The following GUCY2C variants were observed in gnomAD, a reference collection of about 807,000 sequenced individuals.
The protein encoded by GUCY2C is guanylyl cyclase C.
Under a neutral mutation model 131.1 loss-of-function variants are expected in GUCY2C, and 118 were observed. The observed-to-expected ratio is 0.90, with a 90% confidence interval of 0.78 to 1.05. The LOEUF is 1.05. GUCY2C is among the 50% of genes least tolerant of loss of function. GUCY2C has a pLI of 0.00. For synonymous variants in GUCY2C, 452 were observed against 457.8 expected, an observed-to-expected ratio of 0.99 and a Z score of 0.16; for missense variants, 1,161 against 1,304.4, an observed-to-expected ratio of 0.89 and a Z score of 1.69.
chr12:14,631,525 C>A (rs897143920), intron 19 of GUCY2C, among the ~76,000 whole-genome samples: 29 of 151,992 alleles, frequency 1.9e-4, no homozygotes, highest in African/African-American at 7.0e-4. Context: ...ATGATGATTT[C>A]CAATTTCATC....
chr12:14,626,308 G>A (rs550086022), intron 20 of GUCY2C, among the ~76,000 whole-genome samples: 1 of 152,172 alleles, frequency 6.6e-6, no homozygotes, highest in East Asian at 1.9e-4. Context: ...GTGACAGAGT[G>A]AGACTCTGTC....
chr12:14,625,903 G>A lies in GUCY2C; in HGVS notation c.2262C>T (p.Asp754=), dbSNP rs776680214. 4.3e-6 allele frequency: 7 copies of A among 1,610,770 alleles called. No individual in the cohort carries two copies. The highest frequency in any genetic ancestry group is 5.9e-6 in the Non-Finnish European group (7 of 1,177,566). ...TLAKIFGLFH[D]QKNESYMDTL... ...TATCCATATAGCTTTCATTTTTTTG[G>A]TCATGAAAAAGTCTGTAGGTAGTAA... is the stretch of plus-strand genomic sequence containing the variant. The change falls in exon 21 of 27, where the codon GAC becomes GAT. Residue 754 remains aspartate (D), a synonymous_variant. Coordinates refer to ENST00000261170, the MANE Select transcript of GUCY2C (RefSeq NM_004963.4).
chr12:14,674,582 C>G (rs1299543687), intron 8 of GUCY2C, 43 bp downstream of exon 8: 2 of 1,596,808 alleles, frequency 1.3e-6, no homozygotes, highest in Admixed American at 3.3e-5. Flanking sequence ...AGAAAGCCTA[C>G]ATTTCTTCAC....
At chr12:14,639,717 G>T (rs4764106) in intron 19 of GUCY2C, 145 bp downstream of exon 19, 1 of 611,524 alleles carries the variant, frequency 1.6e-6, no homozygotes, top group African/African-American at 1.9e-5. Context: ...AGCTCTTCTG[G>T]AGGAAGTGTG....
intron 5 of GUCY2C, 36 bp downstream of exon 5, chr12:14,681,320 A>T: frequency 6.3e-7 from 1 of 1,598,332 alleles, no homozygotes; most frequent in East Asian, 2.2e-5. Flanking sequence ...ATAAAGAAGA[A>T]GTTAGCAAAA....
At chr12:14,670,739 G>T (rs1948088949) in intron 9 of GUCY2C, among the ~76,000 whole-genome samples, 1 of 151,790 alleles carries the variant, frequency 6.6e-6, no homozygotes, top group African/African-American at 2.4e-5. Flanking sequence ...TACCATGTAA[G>T]ATGTGCCTTT....
chr12:14,692,410 A>G lies in GUCY2C; in HGVS notation c.217+3822T>C, dbSNP rs59856517. On this transcript the variant is annotated intron_variant, in intron 1 of 26. Coordinates refer to ENST00000261170, the MANE Select transcript of GUCY2C (RefSeq NM_004963.4). ...GTTTTCTTTAATAAAAATATTATTT[A>G]TGCTAACAGATATTTATTTTTTTTG... is the stretch of plus-strand genomic sequence containing the variant. Among the ~76,000 whole-genome samples, 6 of 152,052 alleles carry G rather than the reference A, an allele frequency of 3.9e-5. No individual in the cohort carries two copies. In the East Asian group the frequency reaches 9.6e-4, roughly 24 times the overall value.
chr12:14,679,628 A>G (rs750515813), intron 6 of GUCY2C, 29 bp downstream of exon 6: 2 of 1,041,214 alleles, frequency 1.9e-6, no homozygotes, highest in Admixed American at 3.4e-5. Context: ...TTTTGAAAGG[A>G]GGAGGGTTTT....
intron 13 of GUCY2C, 147 bp from the exon 14 acceptor site, chr12:14,652,177 A>ATTTATTTG (rs1325437424): frequency 4.3e-6 from 1 of 233,226 alleles, no homozygotes; most frequent in Non-Finnish European, 8.0e-6. Flanking sequence ...TTATTTATTT[A>ATTTATTTG]TTTATTTATT....
intron 1 of GUCY2C, among the ~76,000 whole-genome samples, chr12:14,691,155 C>T (rs1948567971): frequency 6.6e-6 from 1 of 152,174 alleles, no homozygotes; most frequent in Non-Finnish European, 1.5e-5. Context: ...TGAGAGATGT[C>T]TACCAACTTT....
chr12:14,685,761 TA>T (rs1278077998), intron 3 of GUCY2C, among the ~76,000 whole-genome samples: 1 of 152,196 alleles, frequency 6.6e-6, no homozygotes, highest in Admixed American at 6.5e-5. Flanking sequence ...TTACCAGACC[TA>T]CAGGATAGAA....
intron 19 of GUCY2C, among the ~76,000 whole-genome samples, chr12:14,638,127 A>G (rs754880800): frequency 6.6e-6 from 1 of 152,236 alleles, no homozygotes; most frequent in Non-Finnish European, 1.5e-5. Context: ...GCTCAACATA[A>G]CTAATCATCA....
intron 16 of GUCY2C, among the ~76,000 whole-genome samples, chr12:14,645,020 T>C (rs759272863): frequency 6.6e-6 from 1 of 152,084 alleles, no homozygotes; most frequent in Non-Finnish European, 1.5e-5. Context: ...CTGATAGATA[T>C]ATATTGAACA....
At chr12:14,690,629 C>T (rs1218561784) in intron 1 of GUCY2C, among the ~76,000 whole-genome samples, 2 of 152,106 alleles carry the variant, frequency 1.3e-5, no homozygotes, top group Non-Finnish European at 2.9e-5. Flanking sequence ...GCAAGCTCCA[C>T]CTCCCATGTT....
intron 11 of GUCY2C, among the ~76,000 whole-genome samples, chr12:14,659,533 A>G (rs1299318618): frequency 6.6e-6 from 1 of 152,196 alleles, no homozygotes. Flanking sequence ...TCCCCTAAGC[A>G]GAAATGATTA....
At chr12:14,673,069 A>G in intron 8 of GUCY2C, 111 bp from the exon 9 acceptor site, 1 of 676,258 alleles carries the variant, frequency 1.5e-6, no homozygotes, top group Non-Finnish European at 2.7e-6. Flanking sequence ...TTTCAAATTT[A>G]CTGAAAACAT....
chr12:14,644,282 C>T (rs1947468084), intron 16 of GUCY2C, among the ~76,000 whole-genome samples: 1 of 152,092 alleles, frequency 6.6e-6, no homozygotes, highest in Non-Finnish European at 1.5e-5. Flanking sequence ...AGGATAATCG[C>T]TTGAATTTGG....
chr12:14,689,388 G>T (rs1948535970), intron 1 of GUCY2C, among the ~76,000 whole-genome samples: 1 of 152,130 alleles, frequency 6.6e-6, no homozygotes, highest in Non-Finnish European at 1.5e-5. Flanking sequence ...GACATGTCAG[G>T]TGTGAGATGC....
chr12:14,617,360 G>A (rs764936606), intron 24 of GUCY2C, among the ~76,000 whole-genome samples: 21 of 152,180 alleles, frequency 1.4e-4, no homozygotes, highest in Admixed American at 2.0e-4. Context: ...GGCCCTGCGT[G>A]ATGTGATGGG....
Sources: allele counts gnomAD v4.1 joint callset (sites outside exome capture counted in the v4.1 genomes callset), GRCh38; gene constraint gnomAD v4.1.1; transcripts MANE v1.5; gene names NCBI Gene and HGNC (gene_info 2026-07-23, HGNC 2026-07-21).